Variants in C2orf42 observed in about 807,000 individuals in gnomAD.
The protein encoded by C2orf42 is chromosome 2 open reading frame 42, also known as uncharacterized protein C2orf42.
C2orf42 carries 44 observed loss-of-function variants against 58.9 expected under a neutral mutation model. The ratio of observed to expected loss-of-function variants is 0.75; its 90% CI spans 0.59 to 0.96. C2orf42 has a LOEUF of 0.96. Ranked by LOEUF, C2orf42 falls within the 40% of genes least tolerant of loss-of-function variation. C2orf42 has a pLI of 0.00. For missense variants in C2orf42, 630 were observed against 699.2 expected (o/e 0.90, Z 1.12); for synonymous variants, 239 against 265.4 (o/e 0.90, Z 0.97).
At chr2:70,175,862 T>G (rs780354319) in intron 4 of C2orf42, 85 bp from the exon 5 acceptor site, 3 of 857,450 alleles carry the variant, frequency 3.5e-6, no homozygotes, top group Non-Finnish European at 5.9e-6. Context: ...CTAAAACATA[T>G]AAACAGTCTT....
chr2:70,189,796 G>A (rs1165647107), intron 1 of C2orf42, among the ~76,000 whole-genome samples: 2 of 151,980 alleles, frequency 1.3e-5, no homozygotes, highest in Admixed American at 6.6e-5. Flanking sequence ...GGAGGCTGAG[G>A]CGGGAGGATC....
intron 8 of C2orf42, among the ~76,000 whole-genome samples, chr2:70,161,404 C>G (rs780422490): frequency 2.0e-5 from 3 of 152,206 alleles, no homozygotes; most frequent in Non-Finnish European, 4.4e-5. Context: ...TGCCTGCACC[C>G]TGAGTTGCTT....
chr2:70,157,290 TA>T (rs1201663074), intron 9 of C2orf42, among the ~76,000 whole-genome samples: 8 of 151,116 alleles, frequency 5.3e-5, no homozygotes, highest in Admixed American at 1.3e-4. Context: ...CCGTCTCTAC[TA>T]AAAATACAAA....
chr2:70,171,433 G>T (rs1028448307), intron 5 of C2orf42, among the ~76,000 whole-genome samples: 3 of 152,144 alleles, frequency 2.0e-5, no homozygotes, highest in African/African-American at 7.2e-5. Context: ...ATGACTGAGT[G>T]ATGCACGCAC....
At chr2:70,169,905 C>G (rs1424480752) in intron 5 of C2orf42, among the ~76,000 whole-genome samples, 1 of 151,844 alleles carries the variant, frequency 6.6e-6, no homozygotes, top group Non-Finnish European at 1.5e-5. Flanking sequence ...ATTACAGGCA[C>G]CCGCCACCAC....
intron 1 of C2orf42, among the ~76,000 whole-genome samples, chr2:70,189,049 A>G (rs928471302): frequency 3.3e-5 from 5 of 152,172 alleles, no homozygotes; most frequent in Non-Finnish European, 7.3e-5. Flanking sequence ...TGGTGTAATT[A>G]ATTATGGTAT....
chr2:70,178,399 G>A (rs980552539), intron 4 of C2orf42, among the ~76,000 whole-genome samples: 7 of 152,034 alleles, frequency 4.6e-5, no homozygotes. Context: ...CTGAGGTCAG[G>A]AGTTCAAGAC....
chr2:70,175,334 C>T (rs1213963824), intron 5 of C2orf42, among the ~76,000 whole-genome samples: 2 of 152,200 alleles, frequency 1.3e-5, no homozygotes, highest in Non-Finnish European at 2.9e-5. Flanking sequence ...TCCACCTTTC[C>T]TCCCTCCTCC....
chr2:70,154,668 G>A (rs941790714), intron 9 of C2orf42, among the ~76,000 whole-genome samples: 1 of 152,104 alleles, frequency 6.6e-6, no homozygotes, highest in Non-Finnish European at 1.5e-5. Flanking sequence ...TATCCATCTG[G>A]AAGAAAATAA....
At chr2:70,178,457 A>C (rs1205278433) in intron 4 of C2orf42, among the ~76,000 whole-genome samples, 2 of 151,456 alleles carry the variant, frequency 1.3e-5, no homozygotes, top group African/African-American at 4.9e-5. Context: ...AAATACAAAA[A>C]TTAGGCAGGC....
chr2:70,168,863 C>G (rs1487500399), intron 6 of C2orf42, among the ~76,000 whole-genome samples: 1 of 151,928 alleles, frequency 6.6e-6, no homozygotes, highest in Non-Finnish European at 1.5e-5. Flanking sequence ...CAGGCACCCA[C>G]TATAATGCCT....
chr2:70,184,479 ATTTTTTTTTTTTTTT>A (rs771522645), intron 1 of C2orf42, among the ~76,000 whole-genome samples: 1 of 77,356 alleles, frequency 1.3e-5, no homozygotes, highest in Non-Finnish European at 2.3e-5. Flanking sequence ...GCCTGGCCCT[ATTTTTTTTTTTTTTT>A]TTTTTTTTTT....
intron 3 of C2orf42, among the ~76,000 whole-genome samples, chr2:70,180,412 A>G (rs904151321): frequency 1.3e-5 from 2 of 151,964 alleles, no homozygotes; most frequent in Non-Finnish European, 2.9e-5. Flanking sequence ...GTTTGAGACC[A>G]GCCTGGCCAA....
intron 4 of C2orf42, among the ~76,000 whole-genome samples, chr2:70,177,911 G>A (rs1183179761): frequency 1.3e-5 from 2 of 152,000 alleles, no homozygotes; most frequent in African/African-American, 4.8e-5. Flanking sequence ...ATGGTGGCTT[G>A]TGCCTGTAGT....
chr2:70,187,734 A>G (rs1005663593), intron 1 of C2orf42, among the ~76,000 whole-genome samples: 9 of 151,958 alleles, frequency 5.9e-5, no homozygotes, highest in Admixed American at 2.0e-4. Context: ...TTTGTCACCC[A>G]GGCTGGAGTG....
chr2:70,166,680 A>G (rs1198954857), intron 6 of C2orf42, among the ~76,000 whole-genome samples: 1 of 152,104 alleles, frequency 6.6e-6, no homozygotes, highest in East Asian at 1.9e-4. Flanking sequence ...CACTGAAAAA[A>G]AAGAAAAAAG....
intron 7 of C2orf42, 144 bp downstream of exon 7, chr2:70,165,384 G>A: frequency 1.6e-6 from 1 of 635,784 alleles, no homozygotes; most frequent in East Asian, 2.7e-5. Flanking sequence ...TTGATATGCT[G>A]ATCATTGAAG....
rs762730554 is a variant in C2orf42 at position 70,181,117 on chromosome 2, T to C, written c.823+46A>G. ...AATGCATCAGTGGAACTCTTTTCAT[T>C]GCAGTTTTAGAAAAACGTAATAACC... On this transcript the variant is annotated intron_variant, in intron 3 of 9. Transcript: ENST00000264434. The C allele has an allele frequency of 6.2e-6, 7 of 1,122,094 alleles. No individual in the cohort carries two copies. The African/African-American group carries it at 1.1e-4, about 17-fold the overall frequency. The allele number at this position is 1,122,094 out of a possible 1,614,324, so 69.5% of individuals were successfully genotyped here. A position where few individuals can be genotyped will look rare whatever the true frequency, so the allele number is the denominator to read the frequency against.
rs1312509079 is a variant in C2orf42, at chr2:70,165,564, C to T, written c.1216G>A (p.Gly406Arg). The change falls in exon 7 of 10, where the codon GGA becomes AGA. Residue 406 changes from glycine (G) to arginine (R), a missense_variant. Transcript: ENST00000264434. ...FDALQQRISI[G>R]SAKKRLPNST... ...TTGGGGAGCCGTTTTTTTGCACTTC[C>T]TATAGATATTCTTTGTTGCAGGGCA... 3 of 1,612,000 alleles carry T rather than the reference C, an allele frequency of 1.9e-6. No homozygotes were observed. Among genetic ancestry groups the T allele is most frequent in the Non-Finnish European group, 2.5e-6 (3 of 1,178,150 alleles).
Sources: allele counts gnomAD v4.1 joint callset (sites outside exome capture counted in the v4.1 genomes callset), GRCh38; gene constraint gnomAD v4.1.1; transcripts MANE v1.5; gene names NCBI Gene and HGNC (gene_info 2026-07-23, HGNC 2026-07-21).